Variants in PRKD3 observed in about 807,000 individuals in gnomAD.
PRKD3 encodes serine/threonine-protein kinase D3.
In PRKD3, 47 loss-of-function variants were observed where a neutral mutation model predicts 99.2. That is an observed-to-expected ratio of 0.47 (90% CI 0.38 to 0.60). The LOEUF (loss-of-function observed/expected upper bound fraction) is 0.60. Among genes scored for constraint, PRKD3 ranks in the 20% least tolerant of loss-of-function variants. PRKD3 has a pLI of 0.00. For synonymous variants in PRKD3, 392 were observed against 355.4 expected, an observed-to-expected ratio of 1.10 and a Z score of -1.16; for missense variants, 1,019 against 1,088.4, an observed-to-expected ratio of 0.94 and a Z score of 0.90.
rs1672052032 is a variant in PRKD3, at chr2:37,324,765, C to T, written c.-740G>A. On this transcript the variant is annotated 5_prime_UTR_variant, in exon 1 of 19. Transcript: ENST00000234179. ...GGCGCCAGCGAGGCTTCACGCGCCT[C>T]GCAGGATCCCGCCCGCCTCCGGCGC... 1 of 151,204 alleles carries T rather than the reference C, an allele frequency of 6.6e-6. No individual in the cohort carries two copies. Among genetic ancestry groups the T allele is most frequent in the South Asian group, 2.1e-4 (1 of 4,830 alleles). The allele number at this position is 151,204 out of a possible 1,614,324, so 9.4% of individuals were successfully genotyped here. A position where few individuals can be genotyped will look rare whatever the true frequency, so the allele number is the denominator to read the frequency against.
At chr2:37,268,653 C>CA in intron 13 of PRKD3, 1 of 233,798 alleles carries the variant, frequency 4.3e-6, no homozygotes, top group Non-Finnish European at 8.5e-6. Context: ...ACAGAGAAAG[C>CA]CCTTTAGTTG....
Position 37,290,969 on chromosome 2 carries a change from C to T in PRKD3, c.458G>A (p.Arg153His), listed in dbSNP as rs1410443638. The change falls in exon 4 of 19, where the codon CGT (arginine) becomes CAT (histidine). Residue 153 changes from arginine to histidine, a missense_variant. This residue lies in a region of PRKD3 where 710 missense variants were observed against 692.7 expected (regional missense o/e 1.02). Coordinates refer to ENST00000234179, the MANE Select transcript of PRKD3 (RefSeq NM_005813.6). Reference sequence around the variant, plus strand: ...AGAATGTACATAGAGAGTATGTGGACGAATCTGGAAGTCTTCTACTGTGGC... The same window carrying T: ...AGAATGTACATAGAGAGTATGTGGATGAATCTGGAAGTCTTCTACTGTGGC... ...ALATVEDFQI[R>H]PHTLYVHSYK... 3 of 1,608,866 alleles carry T rather than the reference C, an allele frequency of 1.9e-6. No individual in the cohort carries two copies. The highest frequency in any genetic ancestry group is 1.1e-5 in the South Asian group (1 of 90,508).
Position 37,286,390 on chromosome 2 carries a change from A to AT in PRKD3, c.718-22dup, listed in dbSNP as rs1558555021. The AT allele has an allele frequency of 2.5e-6, 4 of 1,600,714 alleles. No individual in the cohort carries two copies. The South Asian group carries it at 4.4e-5, about 18-fold the overall frequency. Reference sequence around the variant, plus strand: ...TGTGACTATAACATAAGTAATTTTCATAAGTGTAAGTCAATATTAAAAACA... The same window carrying AT: ...TGTGACTATAACATAAGTAATTTTCATTAAGTGTAAGTCAATATTAAAAACA... On this transcript the variant is annotated intron_variant, in intron 5 of 18. Transcript: ENST00000234179.
At chr2:37,305,083 G>A (rs889342379) in intron 2 of PRKD3, among the ~76,000 whole-genome samples, 14 of 152,142 alleles carry the variant, frequency 9.2e-5, no homozygotes, top group Non-Finnish European at 1.0e-4. Flanking sequence ...CTGCAACACA[G>A]CTGTAGTAGA....
At chr2:37,319,582 C>A (rs75344923) in intron 1 of PRKD3, among the ~76,000 whole-genome samples, 1 of 151,808 alleles carries the variant, frequency 6.6e-6, no homozygotes. Flanking sequence ...TATTTATCAA[C>A]GAAAAAGATT....
chr2:37,282,362 G>A, intron 7 of PRKD3, 180 bp downstream of exon 7: 1 of 549,408 alleles, frequency 1.8e-6, no homozygotes, highest in Non-Finnish European at 3.3e-6. Flanking sequence ...AGACGGGAAG[G>A]CGTGATTACT....
At chr2:37,272,476 A>G in intron 11 of PRKD3, 44 bp from the exon 12 acceptor site, 2 of 1,564,688 alleles carry the variant, frequency 1.3e-6, no homozygotes, top group Non-Finnish European at 1.7e-6. Flanking sequence ...TGACAATATT[A>G]TTAATCTTTA....
intron 1 of PRKD3, chr2:37,324,149 C>T (rs1446914371): frequency 2.0e-6 from 2 of 983,514 alleles, no homozygotes; most frequent in African/African-American, 3.5e-5. Context: ...CAAACGCAGT[C>T]GGGATACTGG....
chr2:37,268,963 A>C (rs2148522220), intron 13 of PRKD3: 1 of 153,382 alleles, frequency 6.5e-6, no homozygotes, highest in Non-Finnish European at 1.5e-5. Flanking sequence ...TATGAAAAGA[A>C]GGTAAGAATG....
chr2:37,257,436 C>A (rs547599850), intron 16 of PRKD3, among the ~76,000 whole-genome samples: 1 of 152,002 alleles, frequency 6.6e-6, no homozygotes, highest in African/African-American at 2.4e-5. Flanking sequence ...GAGGCCGAGG[C>A]GGGCGGATCA....
chr2:37,264,526 T>C (rs1048154123), intron 14 of PRKD3, among the ~76,000 whole-genome samples: 1 of 9,434 alleles, frequency 1.1e-4, no homozygotes, highest in East Asian at 9.4e-4. Flanking sequence ...AGTGGAGGGG[T>C]GGGAGGGTGG....
At chr2:37,319,798 A>G (rs771306986) in intron 1 of PRKD3, among the ~76,000 whole-genome samples, 3 of 152,210 alleles carry the variant, frequency 2.0e-5, no homozygotes, top group Non-Finnish European at 4.4e-5. Context: ...AAATAATGTC[A>G]TGTGATAAAA....
intron 2 of PRKD3, among the ~76,000 whole-genome samples, chr2:37,295,479 G>C (rs969575745): frequency 6.6e-6 from 1 of 152,092 alleles, no homozygotes; most frequent in African/African-American, 2.4e-5. Flanking sequence ...ACTAAAGAAT[G>C]AGATGGGGGA....
chr2:37,287,568 C>CA (rs1458719774), intron 5 of PRKD3, among the ~76,000 whole-genome samples: 3 of 152,128 alleles, frequency 2.0e-5, no homozygotes, highest in Admixed American at 2.0e-4. Context: ...AGTGAGGATG[C>CA]AAGCAGGTAC....
intron 2 of PRKD3, among the ~76,000 whole-genome samples, chr2:37,309,734 G>A (rs1027474659): frequency 2.0e-5 from 3 of 151,368 alleles, no homozygotes; most frequent in African/African-American, 7.3e-5. Flanking sequence ...TATAATCCCA[G>A]CTACTCGGGA....
intron 7 of PRKD3, among the ~76,000 whole-genome samples, chr2:37,280,397 A>C (rs567066131): frequency 6.6e-6 from 1 of 152,356 alleles, no homozygotes; most frequent in East Asian, 1.9e-4. Context: ...CATAAGGCAC[A>C]AAGTTAATTA....
intron 2 of PRKD3, among the ~76,000 whole-genome samples, chr2:37,308,918 T>C (rs1335476796): frequency 6.6e-6 from 1 of 152,270 alleles, no homozygotes; most frequent in Non-Finnish European, 1.5e-5. Context: ...GTTCAGATAG[T>C]ATATAACTTC....
At position 37,290,986 on chromosome 2, in the gene PRKD3, T is replaced by C; in HGVS notation, c.441A>G (p.Val147=). Residue 147 remains valine, a synonymous_variant, in exon 4 of 19, where the codon GTA becomes GTG. Transcript: ENST00000234179. ...VEVVLSALAT[V]EDFQIRPHTL... is the part of the protein sequence containing the mutation. ...TATGTGGACGAATCTGGAAGTCTTCTACTGTGGCTAAAGCTTTAAAAAAGA... is the reference window on the plus strand; with the variant it reads ...TATGTGGACGAATCTGGAAGTCTTCCACTGTGGCTAAAGCTTTAAAAAAGA... The C allele has an allele frequency of 1.9e-6, 3 of 1,606,714 alleles. No individual in the cohort carries two copies. The highest frequency in any genetic ancestry group is 2.5e-6 in the Non-Finnish European group (3 of 1,176,614).
chr2:37,313,336 T>G (rs1671525806), intron 2 of PRKD3, among the ~76,000 whole-genome samples: 1 of 110,088 alleles, frequency 9.1e-6, no homozygotes. Context: ...GCGGAATTGA[T>G]GAAAAAAAAA....
Sources: allele counts gnomAD v4.1 joint callset (sites outside exome capture counted in the v4.1 genomes callset), GRCh38; gene constraint gnomAD v4.1.1; regional missense constraint gnomAD v4.1.1; transcripts MANE v1.5; gene names NCBI Gene and HGNC (gene_info 2026-07-23, HGNC 2026-07-21).